The following TPRG1 variants were observed in gnomAD, a reference collection of about 807,000 sequenced individuals.
The protein encoded by TPRG1 is tumor protein p63 regulated 1.
A neutral mutation model predicts 29.3 loss-of-function variants in TPRG1; 29 were observed. That is an observed-to-expected ratio of 0.99 (90% CI 0.74 to 1.35). The LOEUF (loss-of-function observed/expected upper bound fraction) is 1.35, where lower values mean the gene tolerates loss of function less well. Among genes scored for constraint, TPRG1 ranks in the 40% most tolerant of loss-of-function variants. The pLI is 0.00. For missense variants in TPRG1, 327 were observed against 335.0 expected, an observed-to-expected ratio of 0.98 and a Z score of 0.19; for synonymous variants, 130 against 116.8, an observed-to-expected ratio of 1.11 and a Z score of -0.73.
At chr3:189,223,003 C>A (rs1373984336) in intron 3 of TPRG1, among the ~76,000 whole-genome samples, 20 of 152,212 alleles carry the variant, frequency 1.3e-4, no homozygotes, top group Non-Finnish European at 2.5e-4. Flanking sequence ...TGTCTCCCTT[C>A]TTTGTGCTCA....
chr3:189,312,117 G>C (rs12629368), intron 5 of TPRG1, among the ~76,000 whole-genome samples: 9,464 of 60,858 alleles, frequency 0.16, 1,301 homozygotes, highest in Middle Eastern at 0.17. Context: ...TTCTTTCTTT[G>C]TTTCTTTCTT....
intron 1 of TPRG1, among the ~76,000 whole-genome samples, chr3:189,198,890 T>C (rs1029980146): frequency 6.6e-6 from 1 of 152,252 alleles, no homozygotes; most frequent in African/African-American, 2.4e-5. Context: ...AAGGGATCTG[T>C]AATCTCAAAA....
At chr3:189,219,978 G>C (rs879694073) in intron 3 of TPRG1, among the ~76,000 whole-genome samples, 1 of 152,178 alleles carries the variant, frequency 6.6e-6, no homozygotes, top group Non-Finnish European at 1.5e-5. Context: ...AAGTGAAGTT[G>C]AAGAGTCAGC....
rs11391897 is a variant in TPRG1 at position 189,321,146 on chromosome 3, CTTT to C, written c.*344_*346del. ...GTTGCTTCAGCTCTCTAAATGTAGG[CTTT>C]TTTTTTTTTTTTTTTTTAGGTCTTG... On this transcript the variant is annotated 3_prime_UTR_variant, in exon 6 of 6. Coordinates refer to ENST00000345063, the MANE Select transcript of TPRG1 (RefSeq NM_198485.4). 22 of 113,962 alleles carry C rather than the reference CTTT, an allele frequency of 1.9e-4. No individual in the cohort carries two copies. Among genetic ancestry groups the C allele is most frequent in the East Asian group, 2.5e-4 (1 of 3,958 alleles). 7.1% of individuals were successfully genotyped at this position (113,962 alleles called of 1,614,324 possible).
At chr3:189,163,604 C>T (rs6444360) in intron 5 of TPRG1, among the ~76,000 whole-genome samples, 83,125 of 152,042 alleles carry the variant, frequency 0.55, 25,560 homozygotes, top group African/African-American at 0.84. Flanking sequence ...ACGACTTTTA[C>T]GGGGCAACAA....
chr3:189,199,188 C>A (rs893592316), intron 1 of TPRG1, among the ~76,000 whole-genome samples: 1 of 152,134 alleles, frequency 6.6e-6, no homozygotes, highest in African/African-American at 2.4e-5. Context: ...ACAATAGGCA[C>A]CCAAATTCAT....
intron 3 of TPRG1, among the ~76,000 whole-genome samples, chr3:189,234,202 AG>A (rs1307872613): frequency 6.6e-6 from 1 of 152,130 alleles, no homozygotes; most frequent in Non-Finnish European, 1.5e-5. Flanking sequence ...AAGGGAGGAA[AG>A]ATATTAGCCA....
At chr3:189,091,344 C>A (rs1195354281) in intron 4 of TPRG1, among the ~76,000 whole-genome samples, 2 of 151,964 alleles carry the variant, frequency 1.3e-5, no homozygotes, top group African/African-American at 4.8e-5. Flanking sequence ...TATCATGTAC[C>A]CATTTTAAGT....
chr3:189,085,458 T>TGTGCGTGTGTGTGTGTGTGC (rs1240213110), intron 4 of TPRG1, among the ~76,000 whole-genome samples: 3 of 151,920 alleles, frequency 2.0e-5, no homozygotes, highest in African/African-American at 7.3e-5. Context: ...TGTGTGTGTG[T>TGTGCGTGTGTGTGTGTGTGC]GTGTGTGTGT....
chr3:189,317,580 G>T (rs1411538332), intron 5 of TPRG1, among the ~76,000 whole-genome samples: 1 of 152,136 alleles, frequency 6.6e-6, no homozygotes, highest in Non-Finnish European at 1.5e-5. Context: ...TTTCAGAGAG[G>T]TTGGATAACT....
At chr3:189,250,747 T>TA (rs139028462) in intron 4 of TPRG1, among the ~76,000 whole-genome samples, 22,488 of 122,576 alleles carry the variant, frequency 0.18, 2,321 homozygotes, top group African/African-American at 0.3. Flanking sequence ...TTCCCTTGTT[T>TA]AAAAAAAAAA....
intron 4 of TPRG1, among the ~76,000 whole-genome samples, chr3:189,038,833 G>A (rs550201852): frequency 3.3e-5 from 5 of 150,588 alleles, no homozygotes; most frequent in African/African-American, 1.2e-4. Context: ...TCACAGAAGG[G>A]CAAACCCAAA....
chr3:189,226,700 AAC>A (rs201746182), intron 3 of TPRG1, among the ~76,000 whole-genome samples: 1,312 of 126,058 alleles, frequency 0.01, 19 homozygotes, highest in African/African-American at 0.049. Context: ...GAAAAAATTA[AAC>A]AAAAAAAACC....
chr3:189,272,709 CTTTCTCCT>C (rs1262825087), intron 4 of TPRG1, among the ~76,000 whole-genome samples: 16 of 127,000 alleles, frequency 1.3e-4, no homozygotes, highest in African/African-American at 2.9e-4. Flanking sequence ...TTCTTTCTTT[CTTTCTCCT>C]TCCTTCCTTC....
chr3:189,154,697 C>T (rs1255852458), intron 5 of TPRG1, among the ~76,000 whole-genome samples: 1 of 152,162 alleles, frequency 6.6e-6, no homozygotes, highest in African/African-American at 2.4e-5. Context: ...CCCGCCTCAG[C>T]CTCCCAAAGT....
intron 4 of TPRG1, among the ~76,000 whole-genome samples, chr3:189,087,726 T>G (rs530059534): frequency 2.6e-5 from 4 of 152,258 alleles, no homozygotes; most frequent in Admixed American, 6.5e-5. Context: ...TCTACAGATG[T>G]CTAGCCAGTT....
At chr3:189,281,210 T>C (rs1469551918) in intron 4 of TPRG1, among the ~76,000 whole-genome samples, 1 of 152,208 alleles carries the variant, frequency 6.6e-6, no homozygotes, top group Non-Finnish European at 1.5e-5. Flanking sequence ...GAAACACAGC[T>C]AATAAATGGT....
At chr3:189,185,772 C>T (rs1295090272) in intron 1 of TPRG1, among the ~76,000 whole-genome samples, 2 of 152,034 alleles carry the variant, frequency 1.3e-5, no homozygotes, top group Admixed American at 1.3e-4. Flanking sequence ...GAGATAAGCC[C>T]CCTTTAACAT....
At chr3:189,306,296 T>G (rs1721617252) in intron 4 of TPRG1, among the ~76,000 whole-genome samples, 1 of 152,210 alleles carries the variant, frequency 6.6e-6, no homozygotes, top group Admixed American at 6.6e-5. Flanking sequence ...GAAAAGAGAA[T>G]TGAAGAGCTT....
Sources: gnomAD v4.1 joint callset for allele counts (sites outside exome capture counted in the v4.1 genomes callset) on GRCh38, gnomAD v4.1.1 for gene constraint, MANE v1.5 for transcripts, NCBI Gene and HGNC (gene_info 2026-07-23, HGNC 2026-07-21) for gene names.